The following DPYD variants were observed in gnomAD, a reference collection of about 807,000 sequenced individuals.
The protein encoded by DPYD is dihydropyrimidine dehydrogenase.
In DPYD, 109 loss-of-function variants were observed where a neutral mutation model predicts 116.2. The ratio of observed to expected loss-of-function variants is 0.94; its 90% CI spans 0.80 to 1.10. The LOEUF (loss-of-function observed/expected upper bound fraction) is 1.10. DPYD is among the 50% of genes least tolerant of loss of function. The pLI is 0.00. For missense variants in DPYD, 1,302 were observed against 1,254.5 expected (o/e 1.04, Z -0.57); for synonymous variants, 440 against 432.0 (o/e 1.02, Z -0.23).
intron 13 of DPYD, among the ~76,000 whole-genome samples, chr1:97,454,912 G>A (rs1425447420): frequency 1.3e-5 from 2 of 151,778 alleles, no homozygotes; most frequent in Non-Finnish European, 3.0e-5. Flanking sequence ...AATAAAATTT[G>A]CAAAGTGAAT....
At chr1:97,700,698 T>TA (rs1027280527) in intron 5 of DPYD, among the ~76,000 whole-genome samples, 2 of 151,844 alleles carry the variant, frequency 1.3e-5, no homozygotes, top group African/African-American at 4.8e-5. Context: ...AAAATAAACC[T>TA]AAAAAAATTG....
intron 3 of DPYD, among the ~76,000 whole-genome samples, chr1:97,821,583 T>C (rs1668940265): frequency 6.6e-6 from 1 of 152,102 alleles, no homozygotes; most frequent in South Asian, 2.1e-4. Context: ...TGATGCACTT[T>C]TTTCCTGTCC....
chr1:97,634,783 C>T (rs1657470620), intron 8 of DPYD, among the ~76,000 whole-genome samples: 1 of 151,840 alleles, frequency 6.6e-6, no homozygotes, highest in Non-Finnish European at 1.5e-5. Flanking sequence ...TTCTGCAAGG[C>T]ATATAGAATA....
At chr1:97,439,767 A>T (rs547490549) in intron 14 of DPYD, among the ~76,000 whole-genome samples, 2 of 151,622 alleles carry the variant, frequency 1.3e-5, no homozygotes, top group East Asian at 3.9e-4. Context: ...TTTGGGTTCA[A>T]TCTGCTCTTT....
intron 18 of DPYD, among the ~76,000 whole-genome samples, chr1:97,238,618 A>T (rs938390721): frequency 7.2e-5 from 11 of 152,230 alleles, no homozygotes; most frequent in Admixed American, 2.0e-4. Context: ...AATTAAAATC[A>T]TAAAGACTTC....
At chr1:97,440,909 T>C (rs1185586720) in intron 14 of DPYD, among the ~76,000 whole-genome samples, 1 of 151,834 alleles carries the variant, frequency 6.6e-6, no homozygotes. Flanking sequence ...CTTGAAAAAT[T>C]ATTTATTTCA....
intron 19 of DPYD, among the ~76,000 whole-genome samples, chr1:97,195,630 A>G (rs1303464208): frequency 5.3e-4 from 25 of 47,192 alleles, no homozygotes; most frequent in East Asian, 3.2e-3. Context: ...GTGTATATGT[A>G]TGTGTATATA....
chr1:97,814,929 A>G (rs1274086040), intron 3 of DPYD, among the ~76,000 whole-genome samples: 1 of 9,274 alleles, frequency 1.1e-4, no homozygotes, highest in African/African-American at 1.9e-4. Context: ...AAAGAAAGAG[A>G]GAGGAAAGAA....
chr1:97,598,695 T>C (rs530918251), intron 8 of DPYD, among the ~76,000 whole-genome samples: 1 of 152,300 alleles, frequency 6.6e-6, no homozygotes, highest in South Asian at 2.1e-4. Context: ...TTAACTTTTA[T>C]TGACTACAGA....
At chr1:97,469,931 A>G (rs1043363266) in intron 13 of DPYD, among the ~76,000 whole-genome samples, 1 of 152,196 alleles carries the variant, frequency 6.6e-6, no homozygotes, top group Non-Finnish European at 1.5e-5. Context: ...TTCCTAATAT[A>G]TAAAAGCCCT....
At chr1:97,301,980 G>A (rs1327371248) in intron 18 of DPYD, among the ~76,000 whole-genome samples, 4 of 152,064 alleles carry the variant, frequency 2.6e-5, no homozygotes, top group Non-Finnish European at 4.4e-5. Flanking sequence ...AATGGGTCAC[G>A]CAGTCAAGGA....
At chr1:97,887,670 C>G (rs1259313593) in intron 1 of DPYD, among the ~76,000 whole-genome samples, 1 of 151,578 alleles carries the variant, frequency 6.6e-6, no homozygotes. Flanking sequence ...AACAGAAACT[C>G]CCATTAAGAG....
chr1:97,521,784 A>C (rs2101992894), intron 12 of DPYD, among the ~76,000 whole-genome samples: 1 of 152,296 alleles, frequency 6.6e-6, no homozygotes, highest in East Asian at 1.9e-4. Flanking sequence ...TCTTTGACAA[A>C]CCTGACAAAA....
intron 19 of DPYD, among the ~76,000 whole-genome samples, chr1:97,233,927 A>G (rs1182705643): frequency 6.6e-6 from 1 of 152,182 alleles, no homozygotes; most frequent in Non-Finnish European, 1.5e-5. Flanking sequence ...AATACATATT[A>G]TTTCCACCAT....
At chr1:97,434,658 C>T (rs1675368872) in intron 14 of DPYD, among the ~76,000 whole-genome samples, 2 of 151,960 alleles carry the variant, frequency 1.3e-5, no homozygotes. Context: ...AAATGAAAAT[C>T]CAGGTGAAAA....
chr1:97,599,977 A>G (rs188560903), intron 8 of DPYD, among the ~76,000 whole-genome samples: 13 of 150,704 alleles, frequency 8.6e-5, no homozygotes, highest in Admixed American at 6.0e-4. Context: ...CCTGGGAGGC[A>G]GAGGTTGCAG....
chr1:97,529,201 A>G (rs972060396), intron 12 of DPYD, among the ~76,000 whole-genome samples: 2 of 152,208 alleles, frequency 1.3e-5, no homozygotes, highest in Admixed American at 6.5e-5. Flanking sequence ...CCAATGAGCC[A>G]AGTGAACTTG....
intron 6 of DPYD, among the ~76,000 whole-genome samples, chr1:97,697,060 T>A (rs1661347814): frequency 6.6e-6 from 1 of 152,120 alleles, no homozygotes; most frequent in Non-Finnish European, 1.5e-5. Context: ...TTCTTGAAAA[T>A]CTATTAGCAC....
At chr1:97,272,469 T>C (rs1003074064) in intron 18 of DPYD, among the ~76,000 whole-genome samples, 1 of 152,144 alleles carries the variant, frequency 6.6e-6, no homozygotes, top group Non-Finnish European at 1.5e-5. Flanking sequence ...TTATAACTAG[T>C]TTTGTCTGTA....
Sources: gnomAD v4.1 joint callset for allele counts (sites outside exome capture counted in the v4.1 genomes callset) on GRCh38, gnomAD v4.1.1 for gene constraint, MANE v1.5 for transcripts, NCBI Gene and HGNC (gene_info 2026-07-23, HGNC 2026-07-21) for gene names.